ALB: variants seen among roughly 807,000 people sequenced by gnomAD.
ALB encodes serum albumin.
Under a neutral mutation model 74.5 loss-of-function variants are expected in ALB, and 37 were observed. The observed-to-expected ratio is 0.50, with a 90% CI of 0.38 to 0.65. ALB has a LOEUF of 0.65. ALB is among the 30% of genes least tolerant of loss of function. The pLI, the probability that ALB is intolerant of heterozygous loss-of-function variation, is 0.00. For missense variants in ALB, 685 were observed against 718.7 expected (o/e 0.95, Z 0.54); for synonymous variants, 249 against 251.6 (o/e 0.99, Z 0.10).
intron 5 of ALB, 91 bp downstream of exon 5, chr4:73,409,578 T>C: frequency 1.3e-6 from 2 of 1,522,080 alleles, no homozygotes; most frequent in Non-Finnish European, 1.8e-6. Flanking sequence ...GAGTGTCTGA[T>C]ACAAACTTTC....
intron 11 of ALB, 39 bp from the exon 12 acceptor site, chr4:73,418,049 C>A: frequency 6.3e-7 from 1 of 1,597,288 alleles, no homozygotes; most frequent in South Asian, 1.1e-5. Flanking sequence ...TTTTCAGCTT[C>A]ACCTCTTTTG....
intron 7 of ALB, among the ~76,000 whole-genome samples, chr4:73,412,779 G>GAGA (rs1049672990): frequency 6.6e-6 from 1 of 152,196 alleles, no homozygotes; most frequent in Non-Finnish European, 1.5e-5. Context: ...GGTGGACTTG[G>GAGA]AGAAGGTCAC....
At chr4:73,411,364 C>T (rs539841631) in intron 6 of ALB, among the ~76,000 whole-genome samples, 11 of 152,216 alleles carry the variant, frequency 7.2e-5, no homozygotes, top group South Asian at 2.1e-4. Context: ...GAAAATTAGA[C>T]GTTTACATCT....
chr4:73,409,498 AAAGAAT>A lies in ALB; in HGVS notation c.615+13_615+18del, dbSNP rs1256182412. ...TGCCTGTTGCCAAAGGTATTATGCAAAAGAATAGAAAAAAAGAGTTCATTATCCAAC... is the reference window on the plus strand; with the variant it reads ...TGCCTGTTGCCAAAGGTATTATGCAAAGAAAAAAAGAGTTCATTATCCAAC... On this transcript the variant is annotated intron_variant, in intron 5 of 14. Coordinates refer to ENST00000295897, the MANE Select transcript of ALB (RefSeq NM_000477.7). 6.2e-7 allele frequency: 1 copy of A among 1,613,716 alleles called. No individual in the cohort carries two copies. Among genetic ancestry groups the A allele is most frequent in the African/African-American group, 1.3e-5 (1 of 74,932 alleles).
intron 3 of ALB, among the ~76,000 whole-genome samples, chr4:73,407,564 G>A (rs1348924772): frequency 6.6e-6 from 1 of 152,116 alleles, no homozygotes. Context: ...GAATAGTGTT[G>A]CAATGAACAC....
At chr4:73,409,147 G>GCGCACACA in intron 4 of ALB, 1 of 560,058 alleles carries the variant, frequency 1.8e-6, no homozygotes, top group African/African-American at 1.9e-5. Context: ...AACCATTTAT[G>GCGCACACA]CACACACACA....
At chr4:73,419,462 A>C (rs1323161154) in intron 12 of ALB, 45 bp from the exon 13 acceptor site, 3 of 1,585,480 alleles carry the variant, frequency 1.9e-6, no homozygotes. Context: ...ATACGTGAGT[A>C]ATGTTTTTTC....
At position 73,416,402 on chromosome 4, in the gene ALB, A is replaced by G. The variant is rs56394260; in HGVS notation, c.1289+49A>G. The G allele has an allele frequency of 4.8e-4, 667 of 1,381,602 alleles. 2 individuals carry two copies. The African/African-American group carries it at 8.9e-3, about 18-fold the overall frequency. 85.6% of individuals were successfully genotyped at this position (1,381,602 alleles called of 1,614,324 possible). On this transcript the variant is annotated intron_variant, in intron 10 of 14. Coordinates refer to ENST00000295897, the MANE Select transcript of ALB (RefSeq NM_000477.7). ...TTTTTTTATCAATTTGTAATTATTTAAGACTTAATATATGAGCCACCTAGC... is the reference window on the plus strand; with the variant it reads ...TTTTTTTATCAATTTGTAATTATTTGAGACTTAATATATGAGCCACCTAGC...
chr4:73,419,772 G>A, intron 13 of ALB, 133 bp downstream of exon 13: 2 of 1,148,910 alleles, frequency 1.7e-6, no homozygotes, highest in Non-Finnish European at 1.3e-6. Context: ...ACAAACAATT[G>A]TCTTACAAAA....
intron 2 of ALB, among the ~76,000 whole-genome samples, chr4:73,405,661 GCTCA>G (rs1373960085): frequency 4.6e-5 from 7 of 151,814 alleles, no homozygotes; most frequent in Non-Finnish European, 1.5e-5. Flanking sequence ...CGCAATCTCG[GCTCA>G]CTGCAAACTC....
intron 2 of ALB, among the ~76,000 whole-genome samples, chr4:73,406,215 T>C (rs535133870): frequency 3.3e-5 from 5 of 152,270 alleles, no homozygotes; most frequent in Admixed American, 3.3e-4. Context: ...GCCATGATTG[T>C]GCCACTGCAC....
At position 73,410,337 on chromosome 4, in the gene ALB, A is replaced by C; in HGVS notation, c.641A>C (p.Lys214Thr). 6.2e-7 allele frequency: 1 copy of C among 1,613,858 alleles called. No homozygotes were observed. The highest frequency in any genetic ancestry group is 8.5e-7 in the Non-Finnish European group (1 of 1,179,776). Residue 214 changes from lysine to threonine, a missense_variant, in exon 6 of 15, where the codon AAG becomes ACG. Transcript: ENST00000295897. ...CTCGATGAACTTCGGGATGAAGGGA[A>C]GGCTTCGTCTGCCAAACAGAGACTC... ...PKLDELRDEG[K>T]ASSAKQRLKC...
At position 73,421,198 on chromosome 4, in the gene ALB, T is replaced by C; in HGVS notation, c.*130T>C. On this transcript the variant is annotated 3_prime_UTR_variant, in exon 15 of 15. Transcript: ENST00000295897. ...ACCCTGTCTAAAAAACATAAATTTC[T>C]TTAATCATTTTGCCTCTTTTCTCTG... 1 of 650,674 alleles carries C rather than the reference T, an allele frequency of 1.5e-6. No individual in the cohort carries two copies. The highest frequency in any genetic ancestry group is 1.7e-5 in the South Asian group (1 of 58,004). The allele number at this position is 650,674 out of a possible 1,614,324, so 40.3% of individuals were successfully genotyped here.
At chr4:73,414,261 A>T (rs765697892) in intron 8 of ALB, among the ~76,000 whole-genome samples, 31 of 152,168 alleles carry the variant, frequency 2.0e-4, no homozygotes, top group Non-Finnish European at 3.8e-4. Flanking sequence ...ACAAGATTTC[A>T]CTCATACAGA....
intron 10 of ALB, among the ~76,000 whole-genome samples, chr4:73,417,287 G>A (rs764462967): frequency 2.6e-5 from 4 of 152,170 alleles, no homozygotes; most frequent in Non-Finnish European, 5.9e-5. Context: ...TAATGTCACT[G>A]AATTAGGCAA....
chr4:73,413,811 T>A (rs1032417445), intron 8 of ALB, among the ~76,000 whole-genome samples, 177 bp downstream of exon 8: 1 of 152,220 alleles, frequency 6.6e-6, no homozygotes, highest in Non-Finnish European at 1.5e-5. Flanking sequence ...GAATACATTG[T>A]CATAAAATAA....
intron 11 of ALB, among the ~76,000 whole-genome samples, 170 bp downstream of exon 11, chr4:73,417,839 C>T (rs776310147): frequency 6.6e-6 from 1 of 151,104 alleles, no homozygotes; most frequent in South Asian, 2.1e-4. Context: ...GTCAAGGCCC[C>T]GAGGATGATA....
At chr4:73,409,262 A>G in intron 4 of ALB, 93 bp from the exon 5 acceptor site, 2 of 1,376,282 alleles carry the variant, frequency 1.5e-6, no homozygotes, top group Non-Finnish European at 2.0e-6. Context: ...ATATCTTTGG[A>G]ATTTGGAGGT....
Position 73,412,033 on chromosome 4 carries a change from G to A in ALB, c.751G>A (p.Glu251Lys). ...ARLSQRFPKAEFAEVSKLVTD... is the reference protein window; with the variant it reads ...ARLSQRFPKAKFAEVSKLVTD... ...CCTGAGCCAGAGATTTCCCAAAGCT[G>A]AGTTTGCAGAAGTTTCCAAGTTAGT... Residue 251 changes from glutamate to lysine, a missense_variant, in exon 7 of 15, where the codon GAG becomes AAG. Physicochemically the swap from Glu to Lys is moderately conservative, Grantham distance 56. Coordinates refer to ENST00000295897, the MANE Select transcript of ALB (RefSeq NM_000477.7). 6.2e-7 allele frequency: 1 copy of A among 1,614,178 alleles called. No individual in the cohort carries two copies. Among genetic ancestry groups the A allele is most frequent in the East Asian group, 2.2e-5 (1 of 44,876 alleles).
Sources: allele counts gnomAD v4.1 joint callset (sites outside exome capture counted in the v4.1 genomes callset), GRCh38; gene constraint gnomAD v4.1.1; transcripts MANE v1.5; gene names NCBI Gene and HGNC (gene_info 2026-07-23, HGNC 2026-07-21).